The following OLA1 variants were observed in gnomAD, a reference collection of about 807,000 sequenced individuals.
The protein encoded by OLA1 is obg-like ATPase 1.
OLA1 carries 14 observed loss-of-function variants against 48.4 expected under a neutral mutation model. The ratio of observed to expected loss-of-function variants is 0.29; its 90% CI spans 0.19 to 0.45. The LOEUF is 0.45. OLA1 is among the 20% of genes least tolerant of loss of function. The pLI is 1.00. For synonymous variants in OLA1, 127 were observed against 150.4 expected, an observed-to-expected ratio of 0.84 and a Z score of 1.14; for missense variants, 325 against 467.1, an observed-to-expected ratio of 0.70 and a Z score of 2.80.
chr2:174,137,237 T>C (rs1170280833), intron 5 of OLA1, among the ~76,000 whole-genome samples: 2 of 152,274 alleles, frequency 1.3e-5, no homozygotes, highest in Admixed American at 6.5e-5. Context: ...CAATGAGCAG[T>C]AGGTCTCAAT....
chr2:174,192,773 CTGAG>C (rs971626220), intron 4 of OLA1, among the ~76,000 whole-genome samples: 3 of 152,108 alleles, frequency 2.0e-5, no homozygotes, highest in Admixed American at 6.5e-5. Context: ...GATTTCTGGG[CTGAG>C]TTTTTTTCTT....
chr2:174,123,118 G>A, intron 7 of OLA1, 62 bp downstream of exon 7: 1 of 728,146 alleles, frequency 1.4e-6, no homozygotes, highest in South Asian at 1.7e-5. Context: ...ATATATGTGG[G>A]TGTGTGTTTG....
intron 4 of OLA1, among the ~76,000 whole-genome samples, chr2:174,152,742 AT>A (rs1686776321): frequency 6.6e-6 from 1 of 152,242 alleles, no homozygotes; most frequent in South Asian, 2.1e-4. Context: ...ATGGAATAGT[AT>A]AACTGGAATT....
chr2:174,110,847 A>T (rs1685632256), intron 7 of OLA1, among the ~76,000 whole-genome samples: 1 of 152,132 alleles, frequency 6.6e-6, no homozygotes, highest in African/African-American at 2.4e-5. Flanking sequence ...CTCCCAAAGC[A>T]CTAAGATTAC....
intron 5 of OLA1, among the ~76,000 whole-genome samples, chr2:174,141,231 C>T (rs1009603151): frequency 3.3e-5 from 5 of 152,242 alleles, no homozygotes; most frequent in Non-Finnish European, 7.3e-5. Flanking sequence ...CACGCCTGGC[C>T]AGGGCACCGT....
chr2:174,243,575 T>C (rs1574577741), intron 2 of OLA1, among the ~76,000 whole-genome samples: 1 of 152,204 alleles, frequency 6.6e-6, no homozygotes, highest in East Asian at 1.9e-4. Flanking sequence ...AAATATCTAC[T>C]ATGTTTCTAA....
intron 7 of OLA1, among the ~76,000 whole-genome samples, chr2:174,121,790 G>A (rs901529634): frequency 6.6e-6 from 1 of 152,076 alleles, no homozygotes; most frequent in African/African-American, 2.4e-5. Context: ...TCTGGGAAAT[G>A]GTATTTACTA....
chr2:174,220,346 T>C (rs1020677548), intron 4 of OLA1, among the ~76,000 whole-genome samples: 1 of 152,104 alleles, frequency 6.6e-6, no homozygotes, highest in Non-Finnish European at 1.5e-5. Flanking sequence ...TAATAATCTT[T>C]CCTTTCCTCC....
chr2:174,135,160 CAAAAAA>C (rs71405180), intron 5 of OLA1, among the ~76,000 whole-genome samples: 1 of 86,012 alleles, frequency 1.2e-5, no homozygotes, highest in Non-Finnish European at 2.2e-5. Context: ...ACTCCGCCTC[CAAAAAA>C]AAAAAAAAAA....
In OLA1 at chr2:174,239,333, C is replaced by A. The variant is rs1205416343; in HGVS notation, c.101+7382G>T. 5.9e-5 allele frequency among the ~76,000 whole-genome samples: 9 copies of A among 152,284 alleles called. No individual in the cohort carries two copies. The East Asian group carries it at 1.7e-3, about 29-fold the overall frequency. On this transcript the variant is annotated intron_variant, in intron 2 of 10. Coordinates refer to ENST00000284719, the MANE Select transcript of OLA1 (RefSeq NM_013341.5). Reference sequence around the variant, plus strand: ...AAGAAATCTGTCAGATACCAACGAGCAATCAAAGTTAATATCACCAAAAAT... The same window carrying A: ...AAGAAATCTGTCAGATACCAACGAGAAATCAAAGTTAATATCACCAAAAAT...
chr2:174,245,452 G>A (rs770843798), intron 2 of OLA1, among the ~76,000 whole-genome samples: 6 of 152,200 alleles, frequency 3.9e-5, no homozygotes, highest in Non-Finnish European at 8.8e-5. Context: ...GAATACCTAA[G>A]AACATGATTG....
At chr2:174,167,078 G>A (rs1252113577) in intron 4 of OLA1, among the ~76,000 whole-genome samples, 1 of 151,754 alleles carries the variant, frequency 6.6e-6, no homozygotes, top group East Asian at 1.9e-4. Context: ...AAAGAAGAGA[G>A]GGAAAGAACC....
At chr2:174,132,599 C>T (rs1161852185) in intron 5 of OLA1, among the ~76,000 whole-genome samples, 2 of 152,248 alleles carry the variant, frequency 1.3e-5, no homozygotes, top group South Asian at 2.1e-4. Flanking sequence ...TGAAACATGA[C>T]ATCTTTTAGA....
chr2:174,138,687 G>A lies in OLA1; in HGVS notation c.549+3138C>T, dbSNP rs115766242. Among the ~76,000 whole-genome samples, 1,264 of 152,214 alleles carry A rather than the reference G, an allele frequency of 8.3e-3. 20 individuals are homozygous for A. Among genetic ancestry groups the A allele is most frequent in the African/African-American group, 0.029 (1,200 of 41,526 alleles). On this transcript the variant is annotated intron_variant, in intron 5 of 10. Coordinates refer to ENST00000284719, the MANE Select transcript of OLA1 (RefSeq NM_013341.5). ...TATCTGTGGAACCGAATAAAGTGAA[G>A]GTCAATAAAATGAAGTATGCCTGTA...
intron 7 of OLA1, among the ~76,000 whole-genome samples, chr2:174,090,286 G>A (rs115330285): frequency 0.15 from 22,681 of 152,156 alleles, 1,988 homozygotes; most frequent in Middle Eastern, 0.23. Flanking sequence ...TAACTGGAAG[G>A]CTACCACAAA....
chr2:174,213,784 T>C (rs1383045236), intron 4 of OLA1, among the ~76,000 whole-genome samples: 2 of 152,198 alleles, frequency 1.3e-5, no homozygotes, highest in Non-Finnish European at 2.9e-5. Context: ...TTCTGTTTAC[T>C]GAAGATGAAA....
intron 4 of OLA1, among the ~76,000 whole-genome samples, chr2:174,176,110 A>G (rs112885010): frequency 6.6e-5 from 10 of 152,088 alleles, no homozygotes; most frequent in Non-Finnish European, 1.5e-4. Flanking sequence ...CTGTGACAGT[A>G]GATCTACGAC....
chr2:174,144,930 TAAAA>T lies in OLA1; in HGVS notation c.374-2934_374-2931del, dbSNP rs71021671. ...CTGGGCGACAGAGTAAGACCCTGTT[TAAAA>T]AAAAAAAAAAAAAAAAAATATATAT... On this transcript the variant is annotated intron_variant, in intron 4 of 10. Coordinates refer to ENST00000284719, the MANE Select transcript of OLA1 (RefSeq NM_013341.5). 3.3e-3 allele frequency among the ~76,000 whole-genome samples: 134 copies of T among 41,090 alleles called. 1 individual carries two copies. Among genetic ancestry groups the T allele is most frequent in the South Asian group, 0.015 (8 of 540 alleles). The allele number at this position is 41,090 out of a possible 152,430, so 27.0% of individuals were successfully genotyped here. A position where few individuals can be genotyped will look rare whatever the true frequency, so the allele number is the denominator to read the frequency against.
intron 4 of OLA1, among the ~76,000 whole-genome samples, chr2:174,185,703 G>A (rs574247860): frequency 6.6e-6 from 1 of 152,246 alleles, no homozygotes; most frequent in Non-Finnish European, 1.5e-5. Context: ...TGAAGTGAGT[G>A]GATCATCTGA....
Sources: allele counts gnomAD v4.1 joint callset (sites outside exome capture counted in the v4.1 genomes callset), GRCh38; gene constraint gnomAD v4.1.1; transcripts MANE v1.5; gene names NCBI Gene and HGNC (gene_info 2026-07-23, HGNC 2026-07-21).